The following RPN2 variants were observed in gnomAD, a reference collection of about 807,000 sequenced individuals.
RPN2 encodes the protein ribophorin II, also known as dolichyl-diphosphooligosaccharide--protein glycosyltransferase subunit 2.
RPN2 carries 29 observed loss-of-function variants against 71.4 expected under a neutral mutation model. That is an observed-to-expected ratio of 0.41 (90% CI 0.30 to 0.55). The LOEUF is 0.55. Ranked by LOEUF, RPN2 falls within the 20% of genes least tolerant of loss-of-function variation. The probability of loss-of-function intolerance (pLI) is 0.35; values close to 1 mark genes in which losing one functional copy is unlikely to be tolerated. For missense variants in RPN2, 726 were observed against 774.1 expected (o/e 0.94, Z 0.74); for synonymous variants, 308 against 305.0 (o/e 1.01, Z -0.10).
chr20:37,197,400 G>T (rs1459814660), intron 2 of RPN2, among the ~76,000 whole-genome samples: 1 of 152,164 alleles, frequency 6.6e-6, no homozygotes, highest in Non-Finnish European at 1.5e-5. Context: ...AAATGGCAAG[G>T]GCCTGCTGTA....
At chr20:37,234,925 C>CTG (rs2068345905) in intron 15 of RPN2, among the ~76,000 whole-genome samples, 1 of 152,096 alleles carries the variant, frequency 6.6e-6, no homozygotes, top group Non-Finnish European at 1.5e-5. Context: ...GCAGTCTTCC[C>CTG]GCCTTTGGCC....
intron 6 of RPN2, among the ~76,000 whole-genome samples, 199 bp from the exon 7 acceptor site, chr20:37,207,074 A>G (rs1364583566): frequency 2.0e-5 from 3 of 151,188 alleles, no homozygotes; most frequent in Non-Finnish European, 3.0e-5. Flanking sequence ...AGGAAGATGG[A>G]AAAAAAAACA....
intron 9 of RPN2, 99 bp from the exon 10 acceptor site, chr20:37,223,779 C>G (rs2068014180): frequency 5.3e-6 from 5 of 935,166 alleles, no homozygotes; most frequent in Non-Finnish European, 8.6e-6. Flanking sequence ...TTTTTTCATG[C>G]CTTTACTCAC....
Position 37,222,838 on chromosome 20 carries a change from T to C in RPN2, c.1093-1040T>C, listed in dbSNP as rs2067992852. 2.0e-5 allele frequency among the ~76,000 whole-genome samples: 3 copies of C among 152,262 alleles called. No individual in the cohort carries two copies. The South Asian group carries it at 6.2e-4, about 31-fold the overall frequency. ...TGTCTCTTTTGGATATTTACATTGA[T>C]TTTAATCTAATTTTAAAATTTCTCA... On this transcript the variant is annotated intron_variant, in intron 9 of 16. Transcript: ENST00000237530.
chr20:37,192,969 G>GT (rs2067177321), intron 2 of RPN2, among the ~76,000 whole-genome samples: 1 of 151,868 alleles, frequency 6.6e-6, no homozygotes, highest in Non-Finnish European at 1.5e-5. Context: ...TCTACAAAAA[G>GT]TAAAAAAAAA....
rs564533514 is a variant in RPN2 at position 37,222,464 on chromosome 20, G to A, written c.1093-1414G>A. Among the ~76,000 whole-genome samples, 3 of 152,166 alleles carry A rather than the reference G, an allele frequency of 2.0e-5. No individual in the cohort carries two copies. In the South Asian group the frequency reaches 6.2e-4, roughly 32 times the overall value. Reference sequence around the variant, plus strand: ...TAATTGAGGCTGTTGTCATAAAATAGTTATTACAGAGGCAGGAAAGAAGGC... The same window carrying A: ...TAATTGAGGCTGTTGTCATAAAATAATTATTACAGAGGCAGGAAAGAAGGC... On this transcript the variant is annotated intron_variant, in intron 9 of 16. Coordinates refer to ENST00000237530, the MANE Select transcript of RPN2 (RefSeq NM_002951.5).
chr20:37,208,185 G>A (rs138480831), intron 7 of RPN2, among the ~76,000 whole-genome samples: 8,065 of 151,058 alleles, frequency 0.053, 704 homozygotes, highest in African/African-American at 0.18. Flanking sequence ...CAGGAGAATC[G>A]CTTGAACCTG....
At chr20:37,194,438 T>A (rs1202764663) in intron 2 of RPN2, among the ~76,000 whole-genome samples, 1 of 152,042 alleles carries the variant, frequency 6.6e-6, no homozygotes, top group African/African-American at 2.4e-5. Flanking sequence ...ATTTTTGTAT[T>A]TTTAGTAGAG....
At chr20:37,204,724 GC>G in intron 5 of RPN2, 42 bp from the exon 6 acceptor site, 1 of 1,613,206 alleles carries the variant, frequency 6.2e-7, no homozygotes, top group Non-Finnish European at 8.5e-7. Context: ...TCTCATTTCT[GC>G]TGTTACTTGA....
chr20:37,209,265 C>T (rs1203911482), intron 7 of RPN2, among the ~76,000 whole-genome samples: 3 of 152,134 alleles, frequency 2.0e-5, no homozygotes, highest in Non-Finnish European at 2.9e-5. Flanking sequence ...TAATATTATC[C>T]ATATTTCTTT....
At chr20:37,228,837 G>C in intron 12 of RPN2, 93 bp downstream of exon 12, 1 of 1,206,108 alleles carries the variant, frequency 8.3e-7, no homozygotes, top group Non-Finnish European at 1.2e-6. Context: ...CTTCACCTTC[G>C]CCTTGCCTGT....
intron 1 of RPN2, among the ~76,000 whole-genome samples, chr20:37,181,844 CCTTCCCAAATATCT>C (rs2066890735): frequency 6.6e-6 from 1 of 152,156 alleles, no homozygotes; most frequent in African/African-American, 2.4e-5. Context: ...AAAATGCAGC[CCTTCCCAAATATCT>C]CTTCTGTACT....
chr20:37,213,547 G>GCCA (rs2067728313), intron 8 of RPN2, among the ~76,000 whole-genome samples: 1 of 151,992 alleles, frequency 6.6e-6, no homozygotes, highest in African/African-American at 2.4e-5. Context: ...CTGTGATCGT[G>GCCA]CCACTATACT....
At chr20:37,230,180 G>T (rs1175216878) in intron 13 of RPN2, 121 bp downstream of exon 13, 7 of 839,570 alleles carry the variant, frequency 8.3e-6, no homozygotes, top group Admixed American at 1.9e-5. Context: ...CTCACACCCT[G>T]TGGATTAGGC....
intron 11 of RPN2, among the ~76,000 whole-genome samples, chr20:37,227,433 C>T (rs2068105225): frequency 6.6e-6 from 1 of 152,176 alleles, no homozygotes; most frequent in Admixed American, 6.5e-5. Context: ...CAGCTGCCTG[C>T]ACTTGATTGT....
chr20:37,184,768 G>A (rs2066969344), intron 2 of RPN2, among the ~76,000 whole-genome samples: 1 of 152,202 alleles, frequency 6.6e-6, no homozygotes, highest in African/African-American at 2.4e-5. Flanking sequence ...CTCCAGCCCA[G>A]GCAACAGTGT....
At chr20:37,181,505 T>G (rs977442562) in intron 1 of RPN2, among the ~76,000 whole-genome samples, 3 of 150,938 alleles carry the variant, frequency 2.0e-5, no homozygotes, top group Non-Finnish European at 4.4e-5. Context: ...CTGCCCACTC[T>G]GCTTCCCAGA....
rs190888246 is a variant in RPN2, at chr20:37,228,193, C to T, written c.1300-357C>T. Among the ~76,000 whole-genome samples the T allele has an allele frequency of 2.1e-4, 32 of 152,308 alleles. No homozygotes were observed. The East Asian group carries it at 5.0e-3, about 24-fold the overall frequency. ...ACCTCATTTCCTTTCTTTTCACCCT[C>T]TGGTGAAGCAGTTAATTGGGCAGCA... On this transcript the variant is annotated intron_variant, in intron 11 of 16. Coordinates refer to ENST00000237530, the MANE Select transcript of RPN2 (RefSeq NM_002951.5).
In RPN2 at chr20:37,236,613, A is replaced by G; in HGVS notation, c.1787A>G (p.Gln596Arg). Residue 596 changes from glutamine to arginine, a missense_variant, in exon 16 of 17, where the codon CAG becomes CGG. Coordinates refer to ENST00000237530, the MANE Select transcript of RPN2 (RefSeq NM_002951.5). ...MLGLMYVYWT[Q>R]LNMFQTLKYL... Reference sequence around the variant, plus strand: ...GGACTCATGTATGTCTACTGGACTCAGCTCAACATGTTCCAGACCTTGAAG... The same window carrying G: ...GGACTCATGTATGTCTACTGGACTCGGCTCAACATGTTCCAGACCTTGAAG... The G allele has an allele frequency of 6.2e-7, 1 of 1,614,144 alleles. No homozygotes were observed. The highest frequency in any genetic ancestry group is 8.5e-7 in the Non-Finnish European group (1 of 1,179,972).
Sources: allele counts gnomAD v4.1 joint callset (sites outside exome capture counted in the v4.1 genomes callset), GRCh38; gene constraint gnomAD v4.1.1; transcripts MANE v1.5; gene names NCBI Gene and HGNC (gene_info 2026-07-23, HGNC 2026-07-21).